Variants in ADAMTSL1 observed in about 807,000 individuals in gnomAD.
ADAMTSL1 encodes the protein ADAMTS-like protein 1.
In ADAMTSL1, 126 loss-of-function variants were observed where a neutral mutation model predicts 201.8. The observed-to-expected ratio is 0.62, with a 90% CI of 0.54 to 0.72. The LOEUF (loss-of-function observed/expected upper bound fraction) is 0.72. Ranked by LOEUF, ADAMTSL1 falls within the 30% of genes least tolerant of loss-of-function variation. ADAMTSL1 has a pLI of 0.00. For missense variants in ADAMTSL1, 2,679 were observed against 2,277.8 expected, an observed-to-expected ratio of 1.18 and a Z score of -3.59; for synonymous variants, 1,121 against 903.4, an observed-to-expected ratio of 1.24 and a Z score of -4.32.
chr9:18,180,677 G>A (rs1313541763), intron 2 of ADAMTSL1, among the ~76,000 whole-genome samples: 1 of 152,092 alleles, frequency 6.6e-6, no homozygotes, highest in Non-Finnish European at 1.5e-5. Flanking sequence ...TCATGGGTAG[G>A]AAGAATCAAT....
At chr9:18,072,619 C>A (rs185159363) in intron 1 of ADAMTSL1, among the ~76,000 whole-genome samples, 1 of 152,312 alleles carries the variant, frequency 6.6e-6, no homozygotes, top group East Asian at 1.9e-4. Flanking sequence ...ACACAGTTAT[C>A]ACCACAGGTT....
At chr9:18,812,001 C>T (rs1323791293) in intron 20 of ADAMTSL1, among the ~76,000 whole-genome samples, 2 of 152,002 alleles carry the variant, frequency 1.3e-5, no homozygotes, top group African/African-American at 4.8e-5. Flanking sequence ...GATTGGAAAA[C>T]ACAACAAAGT....
intron 2 of ADAMTSL1, among the ~76,000 whole-genome samples, chr9:18,334,944 CT>C (rs144923106): frequency 0.017 from 2,563 of 152,124 alleles, 62 homozygotes; most frequent in African/African-American, 0.057. Flanking sequence ...TTTTCTATTG[CT>C]TTATTAACCA....
chr9:18,557,354 C>G (rs1233394169), intron 3 of ADAMTSL1, among the ~76,000 whole-genome samples: 1 of 151,984 alleles, frequency 6.6e-6, no homozygotes, highest in African/African-American at 2.4e-5. Flanking sequence ...AGCTTTCTCT[C>G]AGGTGAGAAC....
At position 18,183,987 on chromosome 9, in the gene ADAMTSL1, T is replaced by G. The variant is rs377415546; in HGVS notation, c.207+20006T>G. Reference sequence around the variant, plus strand: ...TGAGACATTGTTTTTCAGATAGGGTTTGGTCATAGAATAAACTCACCCTGT... The same window carrying G: ...TGAGACATTGTTTTTCAGATAGGGTGTGGTCATAGAATAAACTCACCCTGT... On this transcript the variant is annotated intron_variant, in intron 2 of 29. Transcript: ENST00000680146. 3.3e-5 allele frequency among the ~76,000 whole-genome samples: 5 copies of G among 152,330 alleles called. No individual in the cohort carries two copies. The South Asian group carries it at 6.2e-4, about 19-fold the overall frequency.
intron 2 of ADAMTSL1, among the ~76,000 whole-genome samples, chr9:18,191,850 T>C (rs1255304162): frequency 6.6e-6 from 1 of 152,182 alleles, no homozygotes; most frequent in East Asian, 1.9e-4. Flanking sequence ...TTCATGAAGT[T>C]ACAATACAAC....
chr9:18,286,743 A>G (rs2132655496), intron 2 of ADAMTSL1, among the ~76,000 whole-genome samples: 1 of 152,100 alleles, frequency 6.6e-6, no homozygotes, highest in South Asian at 2.1e-4. Context: ...ATAGAAGAGA[A>G]CACATTTCTT....
intron 1 of ADAMTSL1, among the ~76,000 whole-genome samples, chr9:18,062,806 T>G (rs1822517921): frequency 6.6e-6 from 1 of 152,134 alleles, no homozygotes; most frequent in Non-Finnish European, 1.5e-5. Context: ...TTTTTAAAAT[T>G]TTTCCCTCTG....
At chr9:18,874,455 T>G (rs1828027757) in intron 23 of ADAMTSL1, among the ~76,000 whole-genome samples, 1 of 152,058 alleles carries the variant, frequency 6.6e-6, no homozygotes, top group Admixed American at 6.6e-5. Context: ...TACCTTAGAG[T>G]GTGTCTCTTC....
In ADAMTSL1 at chr9:18,662,150, G is replaced by A. The variant is rs184527839; in HGVS notation, c.1085+77G>A. ...TAGGTTATTTAAATTAAAATGAAACGTTTTAATTAAAAATAAAATGAAATT... is the reference window on the plus strand; with the variant it reads ...TAGGTTATTTAAATTAAAATGAAACATTTTAATTAAAAATAAAATGAAATT... On this transcript the variant is annotated intron_variant, in intron 9 of 28. Coordinates refer to ENST00000380548, the MANE Select transcript of ADAMTSL1 (RefSeq NM_001040272.6). 6.0e-3 allele frequency: 8,954 copies of A among 1,502,814 alleles called. 37 individuals carry two copies. The highest frequency in any genetic ancestry group is 7.2e-3 in the Non-Finnish European group (8,001 of 1,109,664). The allele number at this position is 1,502,814 out of a possible 1,614,324, so 93.1% of individuals were successfully genotyped here. A position where few individuals can be genotyped will look rare whatever the true frequency, so the allele number is the denominator to read the frequency against.
intron 2 of ADAMTSL1, among the ~76,000 whole-genome samples, chr9:18,263,044 C>G (rs534698268): frequency 6.6e-6 from 1 of 152,290 alleles, no homozygotes; most frequent in Admixed American, 6.5e-5. Context: ...CCAGAGTTTG[C>G]TGACATCAGT....
intron 1 of ADAMTSL1, among the ~76,000 whole-genome samples, chr9:18,159,536 A>G (rs189819463): frequency 6.6e-6 from 1 of 152,150 alleles, no homozygotes; most frequent in Admixed American, 6.5e-5. Flanking sequence ...CATCATAAAC[A>G]TTACAATTTT....
intron 4 of ADAMTSL1, among the ~76,000 whole-genome samples, chr9:18,609,193 C>G (rs1301900260): frequency 6.6e-6 from 1 of 152,086 alleles, no homozygotes; most frequent in Non-Finnish European, 1.5e-5. Flanking sequence ...GAAAGTGGTT[C>G]CTGAATTAAC....
At chr9:18,203,588 A>G (rs1829534088) in intron 2 of ADAMTSL1, among the ~76,000 whole-genome samples, 1 of 151,914 alleles carries the variant, frequency 6.6e-6, no homozygotes, top group Non-Finnish European at 1.5e-5. Context: ...AGATAATAAA[A>G]CATAGTTGAT....
chr9:18,050,359 A>C (rs1167985560), intron 1 of ADAMTSL1, among the ~76,000 whole-genome samples: 1 of 152,178 alleles, frequency 6.6e-6, no homozygotes, highest in Middle Eastern at 3.2e-3. Flanking sequence ...TCTATATCAA[A>C]TTATTGAATA....
At chr9:18,846,378 C>T (rs547582808) in intron 23 of ADAMTSL1, among the ~76,000 whole-genome samples, 1 of 152,228 alleles carries the variant, frequency 6.6e-6, no homozygotes, top group South Asian at 2.1e-4. Context: ...AGAGGTTACC[C>T]AGGTGAGGAG....
At chr9:17,977,450 G>A (rs1022549534) in intron 1 of ADAMTSL1, among the ~76,000 whole-genome samples, 1 of 151,920 alleles carries the variant, frequency 6.6e-6, no homozygotes, top group African/African-American at 2.4e-5. Context: ...AAAGATTTTT[G>A]ATTATTGATT....
At chr9:18,166,207 G>A (rs1024338504) in intron 2 of ADAMTSL1, among the ~76,000 whole-genome samples, 1 of 151,878 alleles carries the variant, frequency 6.6e-6, no homozygotes, top group Admixed American at 6.6e-5. Flanking sequence ...CTTGAAGACA[G>A]GACCTCTGTT....
chr9:17,935,918 T>C (rs1826988913), intron 1 of ADAMTSL1, among the ~76,000 whole-genome samples: 1 of 152,162 alleles, frequency 6.6e-6, no homozygotes, highest in Non-Finnish European at 1.5e-5. Flanking sequence ...CTTCCCATCT[T>C]CCACATGGCT....
Sources: gnomAD v4.1 joint callset for allele counts (sites outside exome capture counted in the v4.1 genomes callset) on GRCh38, gnomAD v4.1.1 for gene constraint, MANE v1.5 for transcripts, NCBI Gene and HGNC (gene_info 2026-07-23, HGNC 2026-07-21) for gene names.